INTS9: variants seen among roughly 807,000 people sequenced by gnomAD.
The protein encoded by INTS9 is protein related to CPSF subunits of 74 kDa.
In INTS9, 55 loss-of-function variants were observed where a neutral mutation model predicts 79.7. That is an observed-to-expected ratio of 0.69 (90% CI 0.56 to 0.86). The LOEUF (loss-of-function observed/expected upper bound fraction) is 0.86. Among genes scored for constraint, INTS9 ranks in the 40% least tolerant of loss-of-function variants. The pLI, the probability that INTS9 is intolerant of heterozygous loss-of-function variation, is 0.00. For synonymous variants in INTS9, 319 were observed against 325.2 expected, an observed-to-expected ratio of 0.98 and a Z score of 0.20; for missense variants, 721 against 831.5, an observed-to-expected ratio of 0.87 and a Z score of 1.64.
chr8:28,775,887 G>A lies in INTS9; in HGVS notation c.1435C>T (p.Pro479Ser). ...VVCPEQYTQPPPAQSHRMDLM... is the reference protein window; with the variant it reads ...VVCPEQYTQPSPAQSHRMDLM... ...TCCATCCTGTGGGACTGGGCTGGGG[G>A]CGGCTGAGTGTACTGCTCAGGACAC... is the stretch of plus-strand genomic sequence containing the variant. Residue 479 changes from proline (P) to serine (S), a missense_variant, in exon 14 of 17, where the codon CCC becomes TCC. Pro to Ser is a moderately conservative substitution (Grantham distance 74). Coordinates refer to ENST00000521022, the MANE Select transcript of INTS9 (RefSeq NM_018250.4). The A allele has an allele frequency of 6.2e-7, 1 of 1,606,690 alleles. No homozygotes were observed. The highest frequency in any genetic ancestry group is 8.5e-7 in the Non-Finnish European group (1 of 1,176,352).
chr8:28,876,388 G>A (rs1168693924), intron 1 of INTS9, among the ~76,000 whole-genome samples: 1 of 151,928 alleles, frequency 6.6e-6, no homozygotes, highest in Non-Finnish European at 1.5e-5. Flanking sequence ...AACTGCCTAG[G>A]ACACACAATA....
At chr8:28,772,157 G>A (rs547497634) in intron 14 of INTS9, among the ~76,000 whole-genome samples, 1 of 152,302 alleles carries the variant, frequency 6.6e-6, no homozygotes, top group Non-Finnish European at 1.5e-5. Flanking sequence ...CAATGTGCCT[G>A]GCCATAATGT....
intron 4 of INTS9, among the ~76,000 whole-genome samples, chr8:28,846,225 T>A (rs1807500485): frequency 6.6e-6 from 1 of 152,198 alleles, no homozygotes; most frequent in Admixed American, 6.5e-5. Context: ...TTTGAAAGGA[T>A]GAAACTGGCC....
rs906420869 is a variant in INTS9, at chr8:28,768,069, T to C, written c.*77A>G. 3 of 1,350,804 alleles carry C rather than the reference T, an allele frequency of 2.2e-6. No homozygotes were observed. The highest frequency in any genetic ancestry group is 3.4e-5 in the Admixed American group (2 of 59,254). 83.7% of individuals were successfully genotyped at this position (1,350,804 alleles called of 1,614,324 possible). ...CAAAGACACAGTTAATGGCCTCTCA[T>C]GCCACTCCTCAGGTGGCTTGTGAGG... On this transcript the variant is annotated 3_prime_UTR_variant, in exon 17 of 17. Coordinates refer to ENST00000521022, the MANE Select transcript of INTS9 (RefSeq NM_018250.4).
intron 13 of INTS9, among the ~76,000 whole-genome samples, chr8:28,777,053 G>A (rs1802929962): frequency 6.6e-6 from 1 of 152,040 alleles, no homozygotes; most frequent in African/African-American, 2.4e-5. Context: ...CCGCTCTTGG[G>A]GCCCTCCTGG....
intron 12 of INTS9, 65 bp from the exon 13 acceptor site, chr8:28,778,018 C>G: frequency 6.7e-7 from 1 of 1,496,800 alleles, no homozygotes; most frequent in Non-Finnish European, 8.9e-7. Context: ...AGCCAGACAG[C>G]AACTGGGGCG....
intron 1 of INTS9, among the ~76,000 whole-genome samples, chr8:28,868,431 GCA>G (rs1157484724): frequency 1.3e-5 from 2 of 152,070 alleles, no homozygotes; most frequent in African/African-American, 4.8e-5. Flanking sequence ...TGAGAGAACT[GCA>G]CAGTCATAAA....
intron 8 of INTS9, among the ~76,000 whole-genome samples, chr8:28,803,172 G>C (rs762480989): frequency 5.9e-5 from 9 of 152,074 alleles, no homozygotes; most frequent in Non-Finnish European, 1.2e-4. Flanking sequence ...GGTATATGTA[G>C]CTTTTGCTAT....
intron 1 of INTS9, among the ~76,000 whole-genome samples, chr8:28,880,415 C>A (rs1318522083): frequency 6.6e-6 from 1 of 152,276 alleles, no homozygotes; most frequent in Non-Finnish European, 1.5e-5. Context: ...CGTGCCGCCA[C>A]GCCTGACTGG....
At position 28,795,837 on chromosome 8, in the gene INTS9, A is replaced by G. The variant is rs1354909636; in HGVS notation, c.856+707T>C. The stretch of plus-strand genomic sequence containing the variant: ...GTATTTTGTTACGGCAGCCCAAACT[A>G]ACTAAGACAGTAACCAACCTATTTG... On this transcript the variant is annotated intron_variant, in intron 9 of 16. Coordinates refer to ENST00000521022, the MANE Select transcript of INTS9 (RefSeq NM_018250.4). 3.3e-5 allele frequency among the ~76,000 whole-genome samples: 5 copies of G among 152,156 alleles called. No homozygotes were observed. In the East Asian group the frequency reaches 9.6e-4, roughly 29 times the overall value.
At chr8:28,770,176 T>C in intron 15 of INTS9, 150 bp from the exon 16 acceptor site, 1 of 978,124 alleles carries the variant, frequency 1.0e-6, no homozygotes, top group Middle Eastern at 2.9e-4. Context: ...TCAGGTTCCC[T>C]GGCTGCCGGG....
rs370392314 is a variant in INTS9, at chr8:28,813,570, G to A, written c.531C>T (p.Thr177=). The change falls in exon 7 of 17, where the codon ACC becomes ACT. Residue 177 remains threonine, a synonymous_variant. Transcript: ENST00000521022. ...CTTGCATTGTATAGCATCTTCTCCA[G>A]GTTGAGACTTCCACTGCATCCTTGA... ...SPLKDAVEVS[T]WRRCYTMQEV... 5.3e-4 allele frequency: 853 copies of A among 1,613,684 alleles called. 2 individuals are homozygous for A. Among genetic ancestry groups the A allele is most frequent in the Admixed American group, 7.3e-4 (44 of 60,014 alleles).
At chr8:28,881,240 C>T (rs1809765749) in intron 1 of INTS9, among the ~76,000 whole-genome samples, 1 of 150,336 alleles carries the variant, frequency 6.7e-6, no homozygotes, top group Non-Finnish European at 1.5e-5. Context: ...TCGCCCCGTC[C>T]AGGAGGGAGG....
At chr8:28,773,557 T>C (rs1316696014) in intron 14 of INTS9, among the ~76,000 whole-genome samples, 1 of 151,816 alleles carries the variant, frequency 6.6e-6, no homozygotes, top group South Asian at 2.1e-4. Flanking sequence ...GAAATATCTT[T>C]TTTTTTTTTC....
intron 6 of INTS9, among the ~76,000 whole-genome samples, chr8:28,829,775 A>G (rs1806361633): frequency 1.3e-5 from 2 of 152,236 alleles, no homozygotes; most frequent in South Asian, 4.1e-4. Context: ...ATTCTAATGT[A>G]GAAGCCAACA....
chr8:28,770,195 A>G lies in INTS9; in HGVS notation c.1663-169T>C, dbSNP rs139129523. The stretch of plus-strand genomic sequence containing the variant: ...GTTCCCTGGCTGCCGGGAGCCCCAG[A>G]TCCACGCGCTCTAATGCTCAACTGT... On this transcript the variant is annotated intron_variant, in intron 15 of 16. Coordinates refer to ENST00000521022, the MANE Select transcript of INTS9 (RefSeq NM_018250.4). Among the ~76,000 whole-genome samples, 585 of 152,310 alleles carry G rather than the reference A, an allele frequency of 3.8e-3. 4 individuals carry two copies. The highest frequency in any genetic ancestry group is 0.014 in the African/African-American group (570 of 41,578).
chr8:28,884,013 A>G (rs900287394), intron 1 of INTS9, among the ~76,000 whole-genome samples: 5 of 152,134 alleles, frequency 3.3e-5, no homozygotes, highest in Non-Finnish European at 7.4e-5. Flanking sequence ...ACCAGTCACA[A>G]AACAAATATG....
Position 28,768,062 on chromosome 8 carries a change from C to A in INTS9, c.*84G>T. On this transcript the variant is annotated 3_prime_UTR_variant, in exon 17 of 17. Transcript: ENST00000521022. ...GACACCACAAAGACACAGTTAATGG[C>A]CTCTCATGCCACTCCTCAGGTGGCT... is the stretch of plus-strand genomic sequence containing the variant. The A allele has an allele frequency of 8.0e-7, 1 of 1,256,574 alleles. No homozygotes were observed. The highest frequency in any genetic ancestry group is 1.2e-6 in the Non-Finnish European group (1 of 867,692). 77.8% of individuals were successfully genotyped at this position (1,256,574 alleles called of 1,614,324 possible).
chr8:28,881,109 C>T (rs1161071678), intron 1 of INTS9, among the ~76,000 whole-genome samples: 2 of 150,416 alleles, frequency 1.3e-5, no homozygotes, highest in African/African-American at 2.4e-5. Flanking sequence ...GCAGCCACCC[C>T]GTCCGGGAGG....
Sources: allele counts gnomAD v4.1 joint callset (sites outside exome capture counted in the v4.1 genomes callset), GRCh38; gene constraint gnomAD v4.1.1; transcripts MANE v1.5; gene names NCBI Gene and HGNC (gene_info 2026-07-23, HGNC 2026-07-21).